Variants in PPP1R12A observed in about 807,000 individuals in gnomAD.
PPP1R12A encodes the protein myosin binding subunit.
In PPP1R12A, 19 loss-of-function variants were observed where a neutral mutation model predicts 139.6. The observed-to-expected ratio is 0.14, with a 90% CI of 0.09 to 0.20. The LOEUF is 0.20. Among genes scored for constraint, PPP1R12A ranks in the 10% least tolerant of loss-of-function variants. The pLI is 1.00. For synonymous variants in PPP1R12A, 427 were observed against 420.6 expected (o/e 1.02, Z -0.19); for missense variants, 925 against 1,211.5 (o/e 0.76, Z 3.51).
At chr12:79,846,726 G>C (rs994029648) in intron 2 of PPP1R12A, among the ~76,000 whole-genome samples, 1 of 151,646 alleles carries the variant, frequency 6.6e-6, no homozygotes, top group Non-Finnish European at 1.5e-5. Flanking sequence ...ACCACGCCTG[G>C]CCTACCCAAG....
At chr12:79,781,282 A>G (rs1320068014) in intron 23 of PPP1R12A, among the ~76,000 whole-genome samples, 1 of 152,254 alleles carries the variant, frequency 6.6e-6, no homozygotes, top group African/African-American at 2.4e-5. Flanking sequence ...TGGCATAAGG[A>G]TTTTCTTGTA....
intron 12 of PPP1R12A, 81 bp downstream of exon 12, chr12:79,807,145 G>T (rs1873935776): frequency 6.7e-6 from 5 of 749,294 alleles, no homozygotes; most frequent in African/African-American, 1.8e-5. Context: ...TTAAAATGAT[G>T]TTAAACTGAG....
intron 6 of PPP1R12A, 46 bp from the exon 7 acceptor site, chr12:79,821,212 A>G (rs553850832): frequency 8.3e-6 from 11 of 1,323,086 alleles, no homozygotes; most frequent in South Asian, 6.3e-5. Context: ...CTATTAAGAT[A>G]CTATTACTAA....
chr12:79,908,437 T>C (rs1467328667), intron 1 of PPP1R12A, among the ~76,000 whole-genome samples: 2 of 152,212 alleles, frequency 1.3e-5, no homozygotes, highest in African/African-American at 4.8e-5. Flanking sequence ...CTGCTTTTCT[T>C]GTAGTCTTTT....
intron 2 of PPP1R12A, 41 bp from the exon 3 acceptor site, chr12:79,845,461 T>A: frequency 7.0e-7 from 1 of 1,423,840 alleles, no homozygotes. Context: ...AAAGATATTA[T>A]CATTGAAATA....
At chr12:79,934,574 C>T in intron 1 of PPP1R12A, 121 bp downstream of exon 1, 1 of 968,028 alleles carries the variant, frequency 1.0e-6, no homozygotes, top group East Asian at 2.9e-5. Context: ...GCCCCCTCAC[C>T]CCGCAGCAGG....
chr12:79,845,366 T>G lies in PPP1R12A; in HGVS notation c.423A>C (p.Thr141=). ...HVGAVNSEGD[T]PLDIAEEEAM... is the part of the protein sequence containing the mutation. ...CCTCCTCCTCCGCAATATCTAAAGG[T>G]GTATCTCCTTCACTGTTGACAGCCC... The change falls in exon 3 of 25, where the codon ACA becomes ACC. Residue 141 remains threonine, a synonymous_variant. Coordinates refer to ENST00000450142, the MANE Select transcript of PPP1R12A (RefSeq NM_002480.3). The G allele has an allele frequency of 6.2e-7, 1 of 1,613,718 alleles. No homozygotes were observed. The highest frequency in any genetic ancestry group is 8.5e-7 in the Non-Finnish European group (1 of 1,179,756).
intron 5 of PPP1R12A, among the ~76,000 whole-genome samples, chr12:79,827,333 T>A (rs1876914831): frequency 6.6e-6 from 1 of 152,120 alleles, no homozygotes; most frequent in African/African-American, 2.4e-5. Context: ...TTAAATCAGT[T>A]AATGAAAATA....
In PPP1R12A at chr12:79,891,675, A is replaced by C. The variant is rs1884657309; in HGVS notation, c.238-18737T>G. Among the ~76,000 whole-genome samples, 2 of 152,294 alleles carry C rather than the reference A, an allele frequency of 1.3e-5. 1 individual carries two copies. Among genetic ancestry groups the C allele is most frequent in the South Asian group, 4.1e-4 (2 of 4,830 alleles). The stretch of plus-strand genomic sequence containing the variant: ...GTTTCTTACAAACTTAATGAGACAG[A>C]AGTAATAAGATGTCACTTCTGAGAT... On this transcript the variant is annotated intron_variant, in intron 1 of 24. Coordinates refer to ENST00000450142, the MANE Select transcript of PPP1R12A (RefSeq NM_002480.3).
chr12:79,837,495 A>G (rs1901045), intron 3 of PPP1R12A, among the ~76,000 whole-genome samples: 3,295 of 152,346 alleles, frequency 0.022, 43 homozygotes, highest in Non-Finnish European at 0.036. Context: ...ATATTAAACA[A>G]TAATTTTCAT....
chr12:79,884,319 C>T (rs576247587), intron 1 of PPP1R12A, among the ~76,000 whole-genome samples: 3 of 151,952 alleles, frequency 2.0e-5, no homozygotes, highest in Admixed American at 6.6e-5. Context: ...ACTTTTAAGT[C>T]GACATAAGAA....
chr12:79,812,382 C>CTGTGTGCGTGTG (rs370114772), intron 9 of PPP1R12A, among the ~76,000 whole-genome samples: 22,810 of 112,082 alleles, frequency 0.2, 2,870 homozygotes, highest in Non-Finnish European at 0.25. Context: ...TTGACTGACT[C>CTGTGTGCGTGTG]TGTGTGTGCG....
At chr12:79,777,367 T>C in intron 24 of PPP1R12A, 1 of 984,108 alleles carries the variant, frequency 1.0e-6, no homozygotes, top group Non-Finnish European at 1.2e-6. Context: ...AGTGACAATT[T>C]CTAACATTCT....
intron 2 of PPP1R12A, among the ~76,000 whole-genome samples, chr12:79,865,354 C>T (rs1396789142): frequency 6.6e-6 from 1 of 152,138 alleles, no homozygotes; most frequent in African/African-American, 2.4e-5. Flanking sequence ...AAACCCACAG[C>T]CAATATCGTA....
At chr12:79,894,360 T>C (rs1046688146) in intron 1 of PPP1R12A, among the ~76,000 whole-genome samples, 1 of 152,166 alleles carries the variant, frequency 6.6e-6, no homozygotes, top group African/African-American at 2.4e-5. Flanking sequence ...AGTTGGTTTT[T>C]TTCTTTTCTT....
intron 2 of PPP1R12A, among the ~76,000 whole-genome samples, chr12:79,858,564 A>G (rs1880948758): frequency 6.6e-6 from 1 of 152,196 alleles, no homozygotes; most frequent in South Asian, 2.1e-4. Flanking sequence ...ATTTAAACAG[A>G]GTTGCCTAAC....
intron 24 of PPP1R12A, chr12:79,777,519 T>C: frequency 1.0e-6 from 1 of 985,266 alleles, no homozygotes; most frequent in Non-Finnish European, 1.2e-6. Context: ...AACTAAAAAT[T>C]ATAGGTTCAC....
chr12:79,833,261 C>G (rs1877653380), intron 3 of PPP1R12A, among the ~76,000 whole-genome samples: 1 of 151,886 alleles, frequency 6.6e-6, no homozygotes, highest in Non-Finnish European at 1.5e-5. Flanking sequence ...GAGCAACACC[C>G]TGTCTCAAAA....
At chr12:79,867,183 G>T (rs1565787172) in intron 2 of PPP1R12A, among the ~76,000 whole-genome samples, 1 of 152,112 alleles carries the variant, frequency 6.6e-6, no homozygotes, top group African/African-American at 2.4e-5. Flanking sequence ...CATGGATGAA[G>T]CTGGAAACTA....
Sources: allele counts gnomAD v4.1 joint callset (sites outside exome capture counted in the v4.1 genomes callset), GRCh38; gene constraint gnomAD v4.1.1; transcripts MANE v1.5; gene names NCBI Gene and HGNC (gene_info 2026-07-23, HGNC 2026-07-21).